TMCO5A: variants seen among roughly 807,000 people sequenced by gnomAD.
TMCO5A encodes the protein transmembrane and coiled-coil domain-containing protein 5A.
TMCO5A carries 34 observed loss-of-function variants against 42.3 expected under a neutral mutation model. The observed-to-expected ratio is 0.80, with a 90% CI of 0.61 to 1.07. The LOEUF (loss-of-function observed/expected upper bound fraction) is 1.07. Ranked by LOEUF, TMCO5A falls within the 50% of genes least tolerant of loss-of-function variation. The pLI is 0.00. For missense variants in TMCO5A, 357 were observed against 327.9 expected (o/e 1.09, Z -0.69); for synonymous variants, 131 against 115.6 (o/e 1.13, Z -0.86).
chr15:38,019,938 G>A, the TMCO5A span, among the ~76,000 whole-genome samples: 4 of 151,458 alleles, frequency 2.6e-5, no homozygotes, highest in Non-Finnish European at 5.9e-5. Context: ...TTGGACAAAT[G>A]TATAATGACA....
chr15:38,003,363 T>C, the TMCO5A span, among the ~76,000 whole-genome samples: 1 of 152,112 alleles, frequency 6.6e-6, no homozygotes, highest in African/African-American at 2.4e-5. Flanking sequence ...CACTGGGGTC[T>C]CACTCAAGGC....
At chr15:37,943,972 C>T (rs2140272664) in intron 10 of TMCO5A, 1 of 152,256 alleles carries the variant, frequency 6.6e-6, no homozygotes, top group East Asian at 1.9e-4. Context: ...AGCACCAATC[C>T]TCTTGGCCTG....
At chr15:38,019,544 C>T in the TMCO5A span, among the ~76,000 whole-genome samples, 1 of 152,120 alleles carries the variant, frequency 6.6e-6, no homozygotes, top group Non-Finnish European at 1.5e-5. Flanking sequence ...ATTCCTCCTA[C>T]CCGTTCACAT....
chr15:38,016,604 G>T, the TMCO5A span, among the ~76,000 whole-genome samples: 2 of 152,148 alleles, frequency 1.3e-5, no homozygotes, highest in African/African-American at 4.8e-5. Context: ...TTCCAGAGCC[G>T]CAGAAATGAG....
intron 11 of TMCO5A, among the ~76,000 whole-genome samples, chr15:37,957,948 C>A (rs965683871): frequency 1.3e-5 from 2 of 152,086 alleles, no homozygotes; most frequent in African/African-American, 4.8e-5. Context: ...ACATCTACAA[C>A]AATTGATCTT....
the TMCO5A span, among the ~76,000 whole-genome samples, chr15:37,973,431 T>C: frequency 6.6e-6 from 1 of 152,210 alleles, no homozygotes; most frequent in African/African-American, 2.4e-5. Flanking sequence ...AAGCATTGAA[T>C]ATGTCATCTC....
chr15:38,001,023 A>G, the TMCO5A span, among the ~76,000 whole-genome samples: 7,783 of 152,194 alleles, frequency 0.051, 261 homozygotes, highest in East Asian at 0.12. Flanking sequence ...CACTTGGTCT[A>G]TAGTGCAAAT....
the TMCO5A span, among the ~76,000 whole-genome samples, chr15:38,027,371 G>T: frequency 6.6e-6 from 1 of 152,162 alleles, no homozygotes; most frequent in African/African-American, 2.4e-5. Context: ...TTTGGGACTT[G>T]CATGGGCCCT....
At chr15:38,036,895 C>T in the TMCO5A span, among the ~76,000 whole-genome samples, 2 of 152,094 alleles carry the variant, frequency 1.3e-5, no homozygotes, top group Non-Finnish European at 2.9e-5. Flanking sequence ...TGGCACAAAA[C>T]GAGGTGACAT....
In TMCO5A at chr15:37,938,224, A is replaced by C; in HGVS notation, c.382A>C (p.Thr128Pro). Residue 128 changes from threonine to proline, a missense_variant, in exon 6 of 12, where the codon ACA becomes CCA. Thr to Pro is a conservative substitution (Grantham distance 38). Transcript: ENST00000319669. The stretch of plus-strand genomic sequence containing the variant: ...CAGTCCAGATGGAGCCCTAGAAGAG[A>C]CAAAGGTAAATGAAAAAAACAATCC... The part of the protein sequence containing the change: ...QSSPDGALEE[T>P]KVKLQQLEAS... The C allele has an allele frequency of 1.3e-6, 2 of 1,555,902 alleles. No homozygotes were observed. Among genetic ancestry groups the C allele is most frequent in the Non-Finnish European group, 1.7e-6 (2 of 1,154,502 alleles).
chr15:38,038,170 T>C, the TMCO5A span, among the ~76,000 whole-genome samples: 1 of 152,204 alleles, frequency 6.6e-6, no homozygotes, highest in East Asian at 1.9e-4. Flanking sequence ...GAGACCCTGT[T>C]CATAGAAATG....
intron 10 of TMCO5A, among the ~76,000 whole-genome samples, chr15:37,947,426 C>G (rs1190048192): frequency 6.6e-6 from 1 of 151,980 alleles, no homozygotes; most frequent in Non-Finnish European, 1.5e-5. Flanking sequence ...CATCCTTTGT[C>G]TTTCTGTGCC....
At chr15:37,976,617 CTTACTT>C in the TMCO5A span, among the ~76,000 whole-genome samples, 3 of 151,914 alleles carry the variant, frequency 2.0e-5, no homozygotes, top group Non-Finnish European at 2.9e-5. Flanking sequence ...TTGTTTCTTC[CTTACTT>C]TTGTCTGATT....
the TMCO5A span, among the ~76,000 whole-genome samples, chr15:38,019,838 C>G: frequency 6.6e-6 from 1 of 151,158 alleles, no homozygotes; most frequent in Admixed American, 6.6e-5. Context: ...GGTCCTGTAT[C>G]CCTGGCTTCA....
At chr15:38,022,395 A>T in the TMCO5A span, among the ~76,000 whole-genome samples, 1 of 152,188 alleles carries the variant, frequency 6.6e-6, no homozygotes, top group Non-Finnish European at 1.5e-5. Context: ...AGCCAATTTG[A>T]AAAGGCTATA....
At chr15:38,024,085 C>A in the TMCO5A span, among the ~76,000 whole-genome samples, 4 of 152,318 alleles carry the variant, frequency 2.6e-5, no homozygotes, top group East Asian at 7.7e-4. Context: ...TAATGTACAG[C>A]TTTTCTGCTT....
the TMCO5A span, among the ~76,000 whole-genome samples, chr15:38,019,597 C>T: frequency 3.3e-5 from 5 of 151,998 alleles, no homozygotes; most frequent in African/African-American, 1.2e-4. Flanking sequence ...TAGAGTGGTA[C>T]ATTATACTAG....
At position 37,941,714 on chromosome 15, in the gene TMCO5A, A is replaced by C; in HGVS notation, c.488A>C (p.Gln163Pro). ...YAFVTQLCED[Q>P]ALYIKKYQET... ...TTTGTGACCCAGCTCTGTGAAGATC[A>C]AGCCCTCTACATAAAGGTAGAGCTT... Residue 163 changes from glutamine (Q) to proline (P), a missense_variant, in exon 8 of 12, where the codon CAA becomes CCA. Transcript: ENST00000319669. 6.2e-7 allele frequency: 1 copy of C among 1,611,640 alleles called. No homozygotes were observed. Among genetic ancestry groups the C allele is most frequent in the Non-Finnish European group, 8.5e-7 (1 of 1,178,154 alleles).
chr15:37,968,719 G>T (rs531709142), downstream of TMCO5A, among the ~76,000 whole-genome samples: 33 of 151,364 alleles, frequency 2.2e-4, no homozygotes, highest in African/African-American at 7.8e-4. Context: ...AGTAGCTGGG[G>T]TTACAGGCGC....
Sources: gnomAD v4.1 joint callset for allele counts (sites outside exome capture counted in the v4.1 genomes callset) on GRCh38, gnomAD v4.1.1 for gene constraint, MANE v1.5 for transcripts, NCBI Gene and HGNC (gene_info 2026-07-23, HGNC 2026-07-21) for gene names.